HTR4: variants seen among roughly 807,000 people sequenced by gnomAD.
HTR4 encodes the protein 5-hydroxytryptamine receptor 4, also known as 5-hydroxytryptamine (serotonin) receptor 4, G protein-coupled.
In HTR4, 16 loss-of-function variants were observed where a neutral mutation model predicts 36.8. The ratio of observed to expected loss-of-function variants is 0.43; its 90% CI spans 0.29 to 0.66. The LOEUF is 0.66. Ranked by LOEUF, HTR4 falls within the 30% of genes least tolerant of loss-of-function variation. The probability of loss-of-function intolerance (pLI) is 0.13; values close to 1 mark genes in which losing one functional copy is unlikely to be tolerated. For missense variants in HTR4, 438 were observed against 490.9 expected (o/e 0.89, Z 1.02); for synonymous variants, 189 against 185.1 (o/e 1.02, Z -0.17).
intron 2 of HTR4, among the ~76,000 whole-genome samples, chr5:148,584,918 G>A (rs948480482): frequency 2.6e-5 from 4 of 152,160 alleles, no homozygotes; most frequent in African/African-American, 4.8e-5. Context: ...CTAGAGGTAC[G>A]GGTCATTGAT....
At chr5:148,593,068 A>G (rs1761634146) in intron 2 of HTR4, among the ~76,000 whole-genome samples, 1 of 152,072 alleles carries the variant, frequency 6.6e-6, no homozygotes, top group East Asian at 1.9e-4. Context: ...AATCTCTCAA[A>G]CTGGTATGCA....
At chr5:148,590,877 TG>T (rs1384975825) in intron 2 of HTR4, among the ~76,000 whole-genome samples, 4 of 152,192 alleles carry the variant, frequency 2.6e-5, no homozygotes, top group African/African-American at 9.6e-5. Context: ...CATTTGCTTT[TG>T]GGGTCTTTGT....
chr5:148,641,208 G>T (rs747442729), intron 1 of HTR4, among the ~76,000 whole-genome samples: 1 of 152,266 alleles, frequency 6.6e-6, no homozygotes, highest in Middle Eastern at 3.4e-3. Flanking sequence ...ACACTGCCTA[G>T]CTAATTAAAA....
At chr5:148,608,511 C>T (rs756767029) in intron 2 of HTR4, among the ~76,000 whole-genome samples, 5 of 152,020 alleles carry the variant, frequency 3.3e-5, no homozygotes, top group South Asian at 4.1e-4. Flanking sequence ...AACTGGAATA[C>T]GGGCCGTAAA....
chr5:148,572,008 A>G (rs1168904836), intron 2 of HTR4, among the ~76,000 whole-genome samples: 2 of 152,134 alleles, frequency 1.3e-5, no homozygotes. Flanking sequence ...AATAATTCTT[A>G]AGGTAGAAAT....
chr5:148,622,267 G>A (rs1752943510), intron 2 of HTR4, among the ~76,000 whole-genome samples: 1 of 152,132 alleles, frequency 6.6e-6, no homozygotes. Context: ...ACCATTTACT[G>A]GATTTGCCTG....
At chr5:148,628,297 C>G (rs11956922) in intron 2 of HTR4, among the ~76,000 whole-genome samples, 2 of 152,004 alleles carry the variant, frequency 1.3e-5, no homozygotes, top group Admixed American at 6.6e-5. Context: ...TAGAAATGTG[C>G]CTTTGGGCAA....
chr5:148,494,263 C>T (rs1756582401), intron 6 of HTR4, among the ~76,000 whole-genome samples: 1 of 152,156 alleles, frequency 6.6e-6, no homozygotes, highest in African/African-American at 2.4e-5. Flanking sequence ...AATTTCTGCA[C>T]CATGGGGAAA....
At chr5:148,473,838 CT>C (rs138734442), downstream of HTR4, among the ~76,000 whole-genome samples, 4 of 151,976 alleles carry the variant, frequency 2.6e-5, no homozygotes, top group South Asian at 2.1e-4. Flanking sequence ...CAATCCATGT[CT>C]TTTTTTTCCC....
At chr5:148,600,590 C>G (rs1405876642) in intron 2 of HTR4, among the ~76,000 whole-genome samples, 1 of 151,258 alleles carries the variant, frequency 6.6e-6, no homozygotes, top group African/African-American at 2.4e-5. Flanking sequence ...AGAAACTATC[C>G]AGAAAAAACA....
chr5:148,513,583 C>A (rs1050240211), intron 5 of HTR4, among the ~76,000 whole-genome samples: 1 of 152,052 alleles, frequency 6.6e-6, no homozygotes, highest in Admixed American at 6.6e-5. Flanking sequence ...ATTGTGGTTT[C>A]TTTTCTTGAA....
At chr5:148,546,302 G>A (rs1237208379) in intron 4 of HTR4, among the ~76,000 whole-genome samples, 2 of 152,182 alleles carry the variant, frequency 1.3e-5, no homozygotes, top group Non-Finnish European at 2.9e-5. Flanking sequence ...ATACCTAACT[G>A]TAGTCATATA....
intron 2 of HTR4, among the ~76,000 whole-genome samples, chr5:148,592,411 T>A (rs1761609332): frequency 6.6e-6 from 1 of 152,090 alleles, no homozygotes; most frequent in South Asian, 2.1e-4. Context: ...AGAAATTTTT[T>A]TTTACTGAGA....
intron 4 of HTR4, among the ~76,000 whole-genome samples, chr5:148,534,047 G>T (rs1758697953): frequency 6.6e-6 from 1 of 152,154 alleles, no homozygotes; most frequent in South Asian, 2.1e-4. Context: ...GACCATATTT[G>T]TTATGTGCAA....
At chr5:148,504,667 G>C (rs1757100297) in intron 6 of HTR4, among the ~76,000 whole-genome samples, 2 of 151,984 alleles carry the variant, frequency 1.3e-5, no homozygotes, top group African/African-American at 4.8e-5. Context: ...AGGAAATAGA[G>C]ACACAAAAAA....
At chr5:148,489,048 C>T (rs1756292416) in intron 6 of HTR4, among the ~76,000 whole-genome samples, 1 of 152,162 alleles carries the variant, frequency 6.6e-6, no homozygotes, top group South Asian at 2.1e-4. Flanking sequence ...AACTCTGAAT[C>T]TTTGGGAGTC....
At chr5:148,548,218 T>C (rs969678898) in intron 4 of HTR4, among the ~76,000 whole-genome samples, 2 of 152,210 alleles carry the variant, frequency 1.3e-5, no homozygotes, top group Non-Finnish European at 2.9e-5. Flanking sequence ...TACATAAATA[T>C]GTATATCAAA....
chr5:148,462,139 A>C (rs1459598477), intron 5 of HTR4, among the ~76,000 whole-genome samples: 1 of 152,036 alleles, frequency 6.6e-6, no homozygotes, highest in East Asian at 1.9e-4. Flanking sequence ...CTAAATTCAA[A>C]GTAAGTAGAA....
At chr5:148,614,106 C>T (rs1752558756) in intron 2 of HTR4, among the ~76,000 whole-genome samples, 1 of 151,992 alleles carries the variant, frequency 6.6e-6, no homozygotes, top group African/African-American at 2.4e-5. Context: ...GCCATACTGC[C>T]CAAGGTAATT....
Sources: allele counts gnomAD v4.1 joint callset (sites outside exome capture counted in the v4.1 genomes callset), GRCh38; gene constraint gnomAD v4.1.1; transcripts MANE v1.5; gene names NCBI Gene and HGNC (gene_info 2026-07-23, HGNC 2026-07-21).